PTPRD: variants seen among roughly 807,000 people sequenced by gnomAD.
PTPRD encodes the protein protein tyrosine phosphatase receptor type D, also known as receptor-type tyrosine-protein phosphatase delta.
In PTPRD, 34 loss-of-function variants were observed where a neutral mutation model predicts 214.5. That is an observed-to-expected ratio of 0.16 (90% CI 0.12 to 0.21). The LOEUF (loss-of-function observed/expected upper bound fraction) is 0.21. PTPRD is among the 10% of genes least tolerant of loss of function. The probability of loss-of-function intolerance (pLI) is 1.00; values close to 1 mark genes in which losing one functional copy is unlikely to be tolerated. For synonymous variants in PTPRD, 1,128 were observed against 845.7 expected (o/e 1.33, Z -5.79); for missense variants, 2,545 against 2,398.7 (o/e 1.06, Z -1.27).
At chr9:9,182,456 T>TA (rs1456460269) in intron 10 of PTPRD, among the ~76,000 whole-genome samples, 1 of 152,042 alleles carries the variant, frequency 6.6e-6, no homozygotes, top group African/African-American at 2.4e-5. Context: ...ACATTGATTT[T>TA]AAAACATTTA....
chr9:9,786,527 G>C (rs563292750), intron 5 of PTPRD, among the ~76,000 whole-genome samples: 1 of 152,292 alleles, frequency 6.6e-6, no homozygotes, highest in East Asian at 1.9e-4. Context: ...AAACACAACA[G>C]AATGTTATAG....
intron 36 of PTPRD, among the ~76,000 whole-genome samples, chr9:8,399,234 C>T (rs1417516618): frequency 1.3e-5 from 2 of 151,948 alleles, no homozygotes; most frequent in African/African-American, 4.8e-5. Context: ...GATGGTCTTA[C>T]ACATCCTTGT....
chr9:10,482,134 G>T (rs2099102060), intron 2 of PTPRD, among the ~76,000 whole-genome samples: 1 of 152,134 alleles, frequency 6.6e-6, no homozygotes, highest in South Asian at 2.1e-4. Flanking sequence ...CATTTTGGGA[G>T]GCCCAGGCGG....
intron 2 of PTPRD, among the ~76,000 whole-genome samples, chr9:10,409,055 T>G (rs964142049): frequency 6.6e-6 from 1 of 151,724 alleles, no homozygotes; most frequent in African/African-American, 2.4e-5. Flanking sequence ...AGCCTGTTTT[T>G]GTACCTCCAA....
intron 11 of PTPRD, among the ~76,000 whole-genome samples, chr9:8,807,814 A>C (rs1636): frequency 0.78 from 118,370 of 152,004 alleles, 46,247 homozygotes; most frequent in African/African-American, 0.83. Context: ...TTCCATTTCA[A>C]CTTAGAGATG....
intron 11 of PTPRD, among the ~76,000 whole-genome samples, chr9:8,827,674 G>A (rs148788874): frequency 1.3e-5 from 2 of 152,018 alleles, no homozygotes; most frequent in Non-Finnish European, 2.9e-5. Flanking sequence ...CCCTCATAAA[G>A]TAATCAGCTC....
At chr9:9,370,969 A>G (rs956731013) in intron 9 of PTPRD, among the ~76,000 whole-genome samples, 8 of 152,136 alleles carry the variant, frequency 5.3e-5, no homozygotes, top group Non-Finnish European at 7.3e-5. Flanking sequence ...AGCCCACTTG[A>G]TCATGGTGGA....
At chr9:9,677,592 A>G (rs1020533111) in intron 7 of PTPRD, among the ~76,000 whole-genome samples, 1 of 152,102 alleles carries the variant, frequency 6.6e-6, no homozygotes, top group African/African-American at 2.4e-5. Context: ...GCTATCTATG[A>G]CAAACCCACA....
chr9:8,661,817 TCTC>T (rs1442510603), intron 12 of PTPRD, among the ~76,000 whole-genome samples: 1 of 152,182 alleles, frequency 6.6e-6, no homozygotes, highest in East Asian at 1.9e-4. Flanking sequence ...AAATGAAAAA[TCTC>T]CTCCTGGTTA....
intron 11 of PTPRD, among the ~76,000 whole-genome samples, chr9:8,839,296 G>C (rs530342021): frequency 7.1e-6 from 1 of 140,908 alleles, no homozygotes; most frequent in South Asian, 2.3e-4. Flanking sequence ...ATTGACCAAG[G>C]GGATTTTATT....
chr9:9,254,553 G>C (rs1259078413), intron 9 of PTPRD, among the ~76,000 whole-genome samples: 2 of 151,936 alleles, frequency 1.3e-5, no homozygotes, highest in Non-Finnish European at 2.9e-5. Context: ...TTTCATTCTT[G>C]ACATAAATTA....
chr9:8,323,387 A>G (rs1830397366), intron 44 of PTPRD, among the ~76,000 whole-genome samples: 1 of 152,194 alleles, frequency 6.6e-6, no homozygotes, highest in Non-Finnish European at 1.5e-5. Flanking sequence ...TACATTCTAT[A>G]GATAGATAGT....
At chr9:8,850,557 C>G (rs117349561) in intron 11 of PTPRD, among the ~76,000 whole-genome samples, 39 of 151,808 alleles carry the variant, frequency 2.6e-4, no homozygotes, top group Non-Finnish European at 5.0e-4. Flanking sequence ...TCCCCCTCCC[C>G]GAGAAAAGCA....
chr9:9,789,354 G>C (rs1430021293), intron 5 of PTPRD, among the ~76,000 whole-genome samples: 2 of 152,146 alleles, frequency 1.3e-5, no homozygotes, highest in African/African-American at 2.4e-5. Context: ...AAGTGCACTG[G>C]ATGTCACATA....
At chr9:10,078,535 A>G (rs960225347) in intron 3 of PTPRD, among the ~76,000 whole-genome samples, 13 of 150,474 alleles carry the variant, frequency 8.6e-5, no homozygotes, top group South Asian at 2.1e-4. Flanking sequence ...AAAAAAAAAA[A>G]AAAGAAAGAA....
intron 7 of PTPRD, among the ~76,000 whole-genome samples, chr9:9,705,045 C>A (rs2097573214): frequency 6.6e-6 from 1 of 152,120 alleles, no homozygotes; most frequent in South Asian, 2.1e-4. Flanking sequence ...CCATCCCCTC[C>A]TTTTCTTTTC....
chr9:8,545,350 C>CG (rs2079770037), intron 14 of PTPRD, among the ~76,000 whole-genome samples: 1 of 152,098 alleles, frequency 6.6e-6, no homozygotes, highest in Admixed American at 6.5e-5. Context: ...CAGAGTTAAT[C>CG]GGGGGTACCT....
intron 11 of PTPRD, among the ~76,000 whole-genome samples, chr9:8,894,493 C>T (rs2098587586): frequency 6.7e-6 from 1 of 149,854 alleles, no homozygotes; most frequent in South Asian, 2.1e-4. Flanking sequence ...GTCCATGTAT[C>T]CTGATAGGAG....
At chr9:10,446,179 C>T (rs572903462) in intron 2 of PTPRD, among the ~76,000 whole-genome samples, 2 of 151,630 alleles carry the variant, frequency 1.3e-5, no homozygotes, top group Non-Finnish European at 1.5e-5. Context: ...ACAGGTAGTC[C>T]GAGATAAAAA....
Sources: allele counts gnomAD v4.1 joint callset (sites outside exome capture counted in the v4.1 genomes callset), GRCh38; gene constraint gnomAD v4.1.1; transcripts MANE v1.5; gene names NCBI Gene and HGNC (gene_info 2026-07-23, HGNC 2026-07-21).